DYNC2H1: variants seen among roughly 807,000 people sequenced by gnomAD.
DYNC2H1 encodes the protein dynein cytoplasmic 2 heavy chain 1.
In DYNC2H1, 410 loss-of-function variants were observed where a neutral mutation model predicts 570.0. That is an observed-to-expected ratio of 0.72 (90% confidence interval 0.66 to 0.78). The LOEUF (loss-of-function observed/expected upper bound fraction) is 0.78, where lower values mean the gene tolerates loss of function less well. DYNC2H1 is among the 30% of genes least tolerant of loss of function. The probability of loss-of-function intolerance (pLI) is 0.00; values close to 1 mark genes in which losing one functional copy is unlikely to be tolerated. For synonymous variants in DYNC2H1, 1,688 were observed against 1,677.6 expected (o/e 1.01, Z -0.15); for missense variants, 4,865 against 5,046.4 (o/e 0.96, Z 1.09).
chr11:103,398,332 G>A (rs1942481280), intron 83 of DYNC2H1, among the ~76,000 whole-genome samples: 1 of 152,140 alleles, frequency 6.6e-6, no homozygotes, highest in Admixed American at 6.5e-5. Flanking sequence ...CAGTATGAAT[G>A]TATCTCAAAA....
chr11:103,215,964 C>G (rs1236254745), intron 55 of DYNC2H1, 106 bp downstream of exon 55: 3 of 1,315,828 alleles, frequency 2.3e-6, no homozygotes, highest in Non-Finnish European at 3.1e-6. Context: ...AAAAATATTG[C>G]TTATTCATAC....
At chr11:103,220,120 C>T in intron 56 of DYNC2H1, 92 bp downstream of exon 56, 1 of 679,582 alleles carries the variant, frequency 1.5e-6, no homozygotes, top group Non-Finnish European at 2.2e-6. Flanking sequence ...AAGTTGTTTT[C>T]TCATAGTATT....
At position 103,171,216 on chromosome 11, in the gene DYNC2H1, C is replaced by T. The variant is rs150666430; in HGVS notation, c.5334+148C>T. 6.3e-4 allele frequency: 467 copies of T among 737,564 alleles called. No homozygotes were observed. In the African/African-American group the frequency reaches 7.7e-3, roughly 12 times the overall value. The allele number at this position is 737,564 out of a possible 1,614,324, so 45.7% of individuals were successfully genotyped here. On this transcript the variant is annotated intron_variant, in intron 34 of 88. Coordinates refer to ENST00000375735, the MANE Select transcript of DYNC2H1 (RefSeq NM_001377.3). Reference sequence around the variant, plus strand: ...TTGTAAGATTTTTTTAGCTATAAAACGTTTCTGAGGTTTCTTACCCTTTTT... The same window carrying T: ...TTGTAAGATTTTTTTAGCTATAAAATGTTTCTGAGGTTTCTTACCCTTTTT...
intron 70 of DYNC2H1, among the ~76,000 whole-genome samples, chr11:103,273,583 TTG>T (rs1865791279): frequency 6.6e-6 from 1 of 152,326 alleles, no homozygotes; most frequent in East Asian, 1.9e-4. Flanking sequence ...TTTCTGTAAA[TTG>T]TGTTTTTAGT....
At chr11:103,450,275 C>T (rs141686137) in intron 85 of DYNC2H1, among the ~76,000 whole-genome samples, 5 of 152,246 alleles carry the variant, frequency 3.3e-5, no homozygotes, top group Admixed American at 2.6e-4. Flanking sequence ...TTTCAACATA[C>T]GCCTCTCAGT....
intron 86 of DYNC2H1, among the ~76,000 whole-genome samples, chr11:103,455,891 A>G (rs1944769424): frequency 6.6e-6 from 1 of 152,100 alleles, no homozygotes; most frequent in Middle Eastern, 3.2e-3. Flanking sequence ...CCTCAACAAA[A>G]TTTAGTTGTT....
intron 84 of DYNC2H1, among the ~76,000 whole-genome samples, chr11:103,425,687 CTA>C (rs1328777917): frequency 4.0e-5 from 6 of 151,746 alleles, no homozygotes; most frequent in Non-Finnish European, 5.9e-5. Context: ...AAAATAATGG[CTA>C]TTTAACAACG....
At position 103,203,490 on chromosome 11, in the gene DYNC2H1, G is replaced by A. The variant is rs1862797120; in HGVS notation, c.8198-173G>A. On this transcript the variant is annotated intron_variant, in intron 50 of 88. Coordinates refer to ENST00000375735, the MANE Select transcript of DYNC2H1 (RefSeq NM_001377.3). This position sits in a 1 kb window ranked among gnomAD's most constrained non-coding sequence, Gnocchi z 4.7. ...ACTATTTTGAGTGGTTTGCTTAGGT[G>A]TTTGAATTTTATCAAATGAGGGCTA... Among the ~76,000 whole-genome samples the A allele has an allele frequency of 6.6e-6, 1 of 152,122 alleles. No homozygotes were observed. The highest frequency in any genetic ancestry group is 2.1e-4 in the South Asian group (1 of 4,836).
chr11:103,211,879 A>G lies in DYNC2H1; in HGVS notation c.8630A>G (p.His2877Arg). Residue 2877 changes from histidine (H) to arginine (R), a missense_variant, in exon 54 of 89, where the codon CAT (histidine) becomes CGT (arginine). By Grantham distance (29) the His-to-Arg change is conservative. Coordinates refer to ENST00000375735, the MANE Select transcript of DYNC2H1 (RefSeq NM_001377.3). ...ATPSRYMTFLHVYSAISSSKK... is the reference protein window; with the variant it reads ...ATPSRYMTFLRVYSAISSSKK... ...CCAAGCCGATACATGACCTTTTTACATGTGTATTCTGCCATTAGTAGTAGC... is the reference window on the plus strand; with the variant it reads ...CCAAGCCGATACATGACCTTTTTACGTGTGTATTCTGCCATTAGTAGTAGC... The G allele has an allele frequency of 2.0e-6, 3 of 1,536,688 alleles. No homozygotes were observed. The highest frequency in any genetic ancestry group is 2.6e-6 in the Non-Finnish European group (3 of 1,138,532).
chr11:103,397,843 C>T (rs1410093481), intron 83 of DYNC2H1, among the ~76,000 whole-genome samples: 1 of 152,136 alleles, frequency 6.6e-6, no homozygotes, highest in Non-Finnish European at 1.5e-5. Flanking sequence ...TGCAGTAAGC[C>T]ACTCCAGCCT....
At chr11:103,208,928 A>C (rs1863041477) in intron 52 of DYNC2H1, among the ~76,000 whole-genome samples, 1 of 152,122 alleles carries the variant, frequency 6.6e-6, no homozygotes, top group Non-Finnish European at 1.5e-5. Flanking sequence ...TTGAGGATAG[A>C]CCATTTTAAA....
intron 55 of DYNC2H1, among the ~76,000 whole-genome samples, chr11:103,217,526 C>A (rs1863430183): frequency 1.3e-5 from 2 of 152,002 alleles, no homozygotes; most frequent in Admixed American, 1.3e-4. Context: ...ATTTAGATAT[C>A]CAGGTAGAGA....
intron 83 of DYNC2H1, among the ~76,000 whole-genome samples, chr11:103,392,853 A>C (rs957384727): frequency 6.6e-6 from 1 of 150,848 alleles, no homozygotes; most frequent in South Asian, 2.1e-4. Context: ...TTCATAACCC[A>C]CCCTTCTCTC....
At chr11:103,271,970 T>A (rs997124506) in intron 70 of DYNC2H1, among the ~76,000 whole-genome samples, 1 of 152,200 alleles carries the variant, frequency 6.6e-6, no homozygotes, top group African/African-American at 2.4e-5. Flanking sequence ...TTTACACTGT[T>A]GGTGGGACTG....
chr11:103,476,715 C>A (rs1024837638), intron 88 of DYNC2H1, among the ~76,000 whole-genome samples: 7 of 151,826 alleles, frequency 4.6e-5, no homozygotes, highest in Admixed American at 1.3e-4. Flanking sequence ...CCAGAAGAGT[C>A]AGAGCAGTTG....
At chr11:103,358,940 C>T (rs923592042) in intron 83 of DYNC2H1, among the ~76,000 whole-genome samples, 1 of 152,050 alleles carries the variant, frequency 6.6e-6, no homozygotes, top group African/African-American at 2.4e-5. Context: ...AAACAGAAAA[C>T]CAATGGCAAA....
At chr11:103,222,886 A>C in intron 58 of DYNC2H1, 79 bp from the exon 59 acceptor site, 1 of 1,577,542 alleles carries the variant, frequency 6.3e-7, no homozygotes, top group Non-Finnish European at 8.6e-7. Context: ...TAAGTGCCCA[A>C]ATAAAGTGTG....
At chr11:103,406,855 A>G (rs1942883232) in intron 84 of DYNC2H1, 1 of 151,908 alleles carries the variant, frequency 6.6e-6, no homozygotes, top group African/African-American at 2.4e-5. Flanking sequence ...TTGTCATGTG[A>G]GGAGAAGTAT....
intron 88 of DYNC2H1, among the ~76,000 whole-genome samples, chr11:103,471,778 G>A (rs760679960): frequency 1.3e-5 from 2 of 152,092 alleles, no homozygotes; most frequent in Non-Finnish European, 2.9e-5. Context: ...AGAGTCTTCC[G>A]CCAACTGGGG....
Sources: allele counts gnomAD v4.1 joint callset (sites outside exome capture counted in the v4.1 genomes callset), GRCh38; gene constraint gnomAD v4.1.1; non-coding constraint Gnocchi (gnomAD v3.1); transcripts MANE v1.5; gene names NCBI Gene and HGNC (gene_info 2026-07-23, HGNC 2026-07-21).